The following TIAM2 variants were observed in gnomAD, a reference collection of about 807,000 sequenced individuals.
TIAM2 encodes TIAM Rac1 associated GEF 2.
A neutral mutation model predicts 152.9 loss-of-function variants in TIAM2; 80 were observed. That is an observed-to-expected ratio of 0.52 (90% CI 0.44 to 0.63). The LOEUF (loss-of-function observed/expected upper bound fraction) is 0.63, where lower values mean the gene tolerates loss of function less well. Ranked by LOEUF, TIAM2 falls within the 30% of genes least tolerant of loss-of-function variation. TIAM2 has a pLI of 0.00. For missense variants in TIAM2, 1,965 were observed against 2,120.1 expected, an observed-to-expected ratio of 0.93 and a Z score of 1.44; for synonymous variants, 804 against 838.0, an observed-to-expected ratio of 0.96 and a Z score of 0.70.
intron 1 of TIAM2, among the ~76,000 whole-genome samples, chr6:155,073,823 T>C (rs533647865): frequency 1.1e-4 from 16 of 152,300 alleles, no homozygotes; most frequent in Non-Finnish European, 2.1e-4. Flanking sequence ...AACCTTCCCA[T>C]AGGGCAGAGT....
intron 19 of TIAM2, 36 bp downstream of exon 19, chr6:155,245,767 T>TTTTTTGCA: frequency 1.4e-6 from 2 of 1,440,622 alleles, no homozygotes; most frequent in Non-Finnish European, 1.9e-6. Context: ...TTTTTTTTTT[T>TTTTTTGCA]TTTGCATTTT....
intron 1 of TIAM2, among the ~76,000 whole-genome samples, chr6:155,027,784 G>A (rs1391048925): frequency 5.0e-5 from 4 of 79,636 alleles, no homozygotes; most frequent in African/African-American, 1.2e-4. Flanking sequence ...TATAATATAT[G>A]TACTGTGTTA....
rs1243226296 is a variant in TIAM2 at position 155,182,107 on chromosome 6, G to A, written c.2708-119G>A. 2.5e-5 allele frequency: 19 copies of A among 760,794 alleles called. No homozygotes were observed. The East Asian group carries it at 3.1e-4, about 12-fold the overall frequency. 47.1% of individuals were successfully genotyped at this position (760,794 alleles called of 1,614,324 possible). A position where few individuals can be genotyped will look rare whatever the true frequency, so the allele number is the denominator to read the frequency against. On this transcript the variant is annotated intron_variant, in intron 12 of 26. Coordinates refer to ENST00000682666, the MANE Select transcript of TIAM2 (RefSeq NM_012454.4). ...ATACTTTCAAAATAGCTGTAATTTC[G>A]ACTTTCTCAACATACTGTACTTATG...
intron 1 of TIAM2, among the ~76,000 whole-genome samples, chr6:155,044,452 C>T (rs1777115942): frequency 6.6e-6 from 1 of 152,202 alleles, no homozygotes; most frequent in African/African-American, 2.4e-5. Flanking sequence ...CATCTTTGGT[C>T]AGCTGGGGAA....
chr6:155,230,705 A>G (rs1332462034), intron 15 of TIAM2, among the ~76,000 whole-genome samples: 1 of 152,238 alleles, frequency 6.6e-6, no homozygotes, highest in African/African-American at 2.4e-5. Flanking sequence ...GATTAAAATA[A>G]CTTGAAAGGC....
At position 155,254,075 on chromosome 6, in the gene TIAM2, C is replaced by CAAAG. The variant is rs1386501955; in HGVS notation, c.4313+17_4313+20dup. On this transcript the variant is annotated intron_variant, in intron 25 of 26. Transcript: ENST00000682666. Reference sequence around the variant, plus strand: ...TTGTGTTGCAGGTATGACTGACTTCCAAAGATTAAAACCAACAGAAATAAC... The same window carrying CAAAG: ...TTGTGTTGCAGGTATGACTGACTTCCAAAGAAAGATTAAAACCAACAGAAATAAC... 6.2e-7 allele frequency: 1 copy of CAAAG among 1,608,932 alleles called. No individual in the cohort carries two copies.
chr6:155,256,153 TTTA>T (rs1172948760), intron 26 of TIAM2: 13 of 482,932 alleles, frequency 2.7e-5, no homozygotes, highest in African/African-American at 2.2e-4. Flanking sequence ...GGAGCCTAGA[TTTA>T]TTATTACCAA....
intron 1 of TIAM2, among the ~76,000 whole-genome samples, chr6:155,076,503 CA>C (rs1210272758): frequency 6.6e-6 from 1 of 152,048 alleles, no homozygotes; most frequent in Non-Finnish European, 1.5e-5. Context: ...GGGGGAAGTA[CA>C]AAGAATTTAG....
chr6:155,147,852 GTGT>G (rs978322158), intron 6 of TIAM2, among the ~76,000 whole-genome samples: 4 of 152,214 alleles, frequency 2.6e-5, no homozygotes, highest in Non-Finnish European at 5.9e-5. Context: ...TATCACTCCT[GTGT>G]TGTTGGCTAG....
rs757700844 is a variant in TIAM2, at chr6:155,129,831, C to T, written c.608C>T (p.Thr203Ile). The change falls in exon 4 of 27, where the codon ACC (threonine) becomes ATC (isoleucine). Residue 203 changes from threonine to isoleucine, a missense_variant. Transcript: ENST00000682666. This position sits in a 1 kb window ranked among gnomAD's most constrained non-coding sequence, Gnocchi z 4.8. ...EPVQLLRYSP[T>I]LASETSPVPE... Reference sequence around the variant, plus strand: ...GTGCAGCTGCTGAGGTACTCACCTACCTTAGCATCGGAAACCTCCCCTGTG... The same window carrying T: ...GTGCAGCTGCTGAGGTACTCACCTATCTTAGCATCGGAAACCTCCCCTGTG... 3 of 1,613,676 alleles carry T rather than the reference C, an allele frequency of 1.9e-6. No homozygotes were observed. Among genetic ancestry groups the T allele is most frequent in the Non-Finnish European group, 2.5e-6 (3 of 1,180,038 alleles).
rs1046195947 is a variant in TIAM2 at position 155,257,674 on chromosome 6, G to A, written c.*553G>A. On this transcript the variant is annotated 3_prime_UTR_variant, in exon 27 of 27. Coordinates refer to ENST00000682666, the MANE Select transcript of TIAM2 (RefSeq NM_012454.4). ...AAGCTTGTACTGTATCTTATTTGAT[G>A]ATATTTATTTTCTCTGCCAAGCTGT... 2.7e-6 allele frequency: 2 copies of A among 736,984 alleles called. No homozygotes were observed. The highest frequency in any genetic ancestry group is 4.5e-6 in the Non-Finnish European group (2 of 448,702). 45.7% of individuals were successfully genotyped at this position (736,984 alleles called of 1,614,324 possible). A position where few individuals can be genotyped will look rare whatever the true frequency, so the allele number is the denominator to read the frequency against.
intron 15 of TIAM2, among the ~76,000 whole-genome samples, chr6:155,220,299 A>G (rs1382054807): frequency 6.6e-6 from 1 of 152,230 alleles, no homozygotes; most frequent in Non-Finnish European, 1.5e-5. Flanking sequence ...TGGGGCTCAG[A>G]GTCTGCCTGC....
At position 155,112,250 on chromosome 6, in the gene TIAM2, C is replaced by T. The variant is rs1019908462; in HGVS notation, c.-117-15240C>T. Among the ~76,000 whole-genome samples, 3 of 151,988 alleles carry T rather than the reference C, an allele frequency of 2.0e-5. No individual in the cohort carries two copies. The East Asian group carries it at 5.8e-4, about 30-fold the overall frequency. On this transcript the variant is annotated intron_variant, in intron 2 of 26. Coordinates refer to ENST00000682666, the MANE Select transcript of TIAM2 (RefSeq NM_012454.4). ...AAGTGATTCTCCTGCCTCAGCCTCC[C>T]AAGCAGCTGGGATTACAGGCATGCG...
rs1262454068 is a variant in TIAM2 at position 155,114,034 on chromosome 6, A to ATT, written c.-117-13455_-117-13454insTT. Among the ~76,000 whole-genome samples the ATT allele has an allele frequency of 4.0e-3, 151 of 37,746 alleles. 1 individual carries two copies. The highest frequency in any genetic ancestry group is 5.8e-3 in the African/African-American group (46 of 7,918). 24.8% of individuals were successfully genotyped at this position (37,746 alleles called of 152,430 possible). On this transcript the variant is annotated intron_variant, in intron 2 of 26. Transcript: ENST00000682666. ...TTACTTTATATATATATATATATAT[A>ATT]TATTTTTTTTTTTTTCTTTTTTTTT...
chr6:155,221,183 A>C (rs989223104), intron 15 of TIAM2, among the ~76,000 whole-genome samples: 4 of 151,346 alleles, frequency 2.6e-5, no homozygotes, highest in Non-Finnish European at 4.4e-5. Flanking sequence ...CTTCAGAATC[A>C]CAAAATAAAG....
chr6:155,165,930 A>G (rs906884366), intron 9 of TIAM2, among the ~76,000 whole-genome samples: 3 of 152,162 alleles, frequency 2.0e-5, no homozygotes, highest in Non-Finnish European at 2.9e-5. Context: ...GCAGTGCTTA[A>G]GAACAGAAAA....
chr6:155,225,219 G>A (rs1013846075), intron 15 of TIAM2, among the ~76,000 whole-genome samples: 4 of 152,140 alleles, frequency 2.6e-5, no homozygotes, highest in Non-Finnish European at 5.9e-5. Flanking sequence ...GCCTCCCAAA[G>A]TGCTGGGATT....
chr6:155,114,036 ATTTTTTTTTTTTTCTTTTTTT>A, intron 2 of TIAM2, among the ~76,000 whole-genome samples: 1 of 34,906 alleles, frequency 2.9e-5, no homozygotes, highest in African/African-American at 1.1e-4. Context: ...ATATATATAT[ATTTTTTTTTTTTTCTTTTTTT>A]TTTTTTTTTT....
rs150826402 is a variant in TIAM2, at chr6:155,132,585, C to CT, written c.1194+2174dup. Among the ~76,000 whole-genome samples, 489 of 152,274 alleles carry CT rather than the reference C, an allele frequency of 3.2e-3. 4 individuals carry two copies. Among genetic ancestry groups the CT allele is most frequent in the East Asian group, 0.017 (90 of 5,184 alleles). ...CACAAAATAGTAGAGATTTCCTTGA[C>CT]TTTTTTCTCTCAGCTCCCATTTCCT... On this transcript the variant is annotated intron_variant, in intron 4 of 26. Coordinates refer to ENST00000682666, the MANE Select transcript of TIAM2 (RefSeq NM_012454.4).
Sources: gnomAD v4.1 joint callset for allele counts (sites outside exome capture counted in the v4.1 genomes callset) on GRCh38, gnomAD v4.1.1 for gene constraint, Gnocchi (gnomAD v3.1) non-coding constraint, MANE v1.5 for transcripts, NCBI Gene and HGNC (gene_info 2026-07-23, HGNC 2026-07-21) for gene names.